Variants in SPTB observed in about 807,000 individuals in gnomAD.
SPTB encodes spectrin beta chain, erythrocytic.
In SPTB, 45 loss-of-function variants were observed where a neutral mutation model predicts 256.2. The observed-to-expected ratio is 0.18, with a 90% CI of 0.14 to 0.23. The LOEUF is 0.23. Among genes scored for constraint, SPTB ranks in the 10% least tolerant of loss-of-function variants. The pLI, the probability that SPTB is intolerant of heterozygous loss-of-function variation, is 1.00. For synonymous variants in SPTB, 1,231 were observed against 1,243.1 expected, an observed-to-expected ratio of 0.99 and a Z score of 0.21; for missense variants, 2,715 against 3,040.4, an observed-to-expected ratio of 0.89 and a Z score of 2.52.
intron 9 of SPTB, among the ~76,000 whole-genome samples, chr14:64,798,748 T>C (rs1426143250): frequency 6.6e-6 from 1 of 152,248 alleles, no homozygotes; most frequent in Non-Finnish European, 1.5e-5. Flanking sequence ...ACTGTCAGAC[T>C]AGAAACCAGA....
At chr14:64,815,954 G>T (rs1316846181) in intron 2 of SPTB, among the ~76,000 whole-genome samples, 2 of 152,178 alleles carry the variant, frequency 1.3e-5, no homozygotes, top group Non-Finnish European at 2.9e-5. Context: ...GAGTGATATT[G>T]CCAGGTAGAC....
chr14:64,823,230 G>A lies in SPTB; in HGVS notation c.-51-85C>T, dbSNP rs2083325411. The A allele has an allele frequency of 2.9e-5, 29 of 1,014,080 alleles. 1 individual carries two copies. Among genetic ancestry groups the A allele is most frequent in the South Asian group, 1.6e-4 (12 of 74,704 alleles). 62.8% of individuals were successfully genotyped at this position (1,014,080 alleles called of 1,614,324 possible). A position where few individuals can be genotyped will look rare whatever the true frequency, so the allele number is the denominator to read the frequency against. ...GGGAAACTTATTCGGAGCATCCAAC[G>A]TGAGTAGATCCTGACAGAAGCAGAA... On this transcript the variant is annotated intron_variant, in intron 1 of 35. Transcript: ENST00000644917. This position sits in a 1 kb window ranked among gnomAD's most constrained non-coding sequence, Gnocchi z 6.5.
intron 2 of SPTB, among the ~76,000 whole-genome samples, chr14:64,808,609 T>C (rs752886284): frequency 6.6e-6 from 1 of 152,168 alleles, no homozygotes; most frequent in Non-Finnish European, 1.5e-5. Flanking sequence ...TCGTCATTAC[T>C]ACTGCTGCTA....
At chr14:64,805,601 C>T (rs2082968365) in intron 2 of SPTB, among the ~76,000 whole-genome samples, 1 of 152,152 alleles carries the variant, frequency 6.6e-6, no homozygotes, top group South Asian at 2.1e-4. Context: ...CCTTCTCTCT[C>T]CTAGATGCTC....
At chr14:64,867,606 C>T (rs1347810734) in intron 1 of SPTB, among the ~76,000 whole-genome samples, 1 of 152,118 alleles carries the variant, frequency 6.6e-6, no homozygotes, top group Non-Finnish European at 1.5e-5. Flanking sequence ...GTAATCCCAG[C>T]ACTTTGGGAG....
intron 1 of SPTB, among the ~76,000 whole-genome samples, chr14:64,857,777 T>C (rs75371021): frequency 0.01 from 1,541 of 152,288 alleles, 28 homozygotes; most frequent in African/African-American, 0.035. Context: ...CTGGCAAAGA[T>C]ATTTATGTTC....
intron 1 of SPTB, among the ~76,000 whole-genome samples, chr14:64,877,053 T>C (rs1260380914): frequency 6.6e-6 from 1 of 151,994 alleles, no homozygotes; most frequent in Non-Finnish European, 1.5e-5. Flanking sequence ...GTTTGCCTCA[T>C]GAATTTTTTA....
intron 1 of SPTB, among the ~76,000 whole-genome samples, chr14:64,856,191 C>T (rs568122022): frequency 6.6e-6 from 1 of 152,216 alleles, no homozygotes; most frequent in African/African-American, 2.4e-5. Context: ...CACAGTAAGG[C>T]CCAGAAGGCT....
intron 33 of SPTB, 91 bp from the exon 34 acceptor site, chr14:64,750,245 C>G: frequency 1.5e-6 from 2 of 1,336,414 alleles, no homozygotes. Flanking sequence ...AAAAATTACA[C>G]CATGTTTGTT....
Position 64,786,320 on chromosome 14 carries a change from G to A in SPTB, c.3561+84C>T. The A allele has an allele frequency of 1.3e-6, 2 of 1,550,238 alleles. No individual in the cohort carries two copies. The highest frequency in any genetic ancestry group is 1.4e-5 in the African/African-American group (1 of 73,834). ...ACAAGACAAGAGTAATGTGGTCCCTGAGTCTTACAGCACATTTGTGGACTC... is the reference window on the plus strand; with the variant it reads ...ACAAGACAAGAGTAATGTGGTCCCTAAGTCTTACAGCACATTTGTGGACTC... On this transcript the variant is annotated intron_variant, in intron 16 of 35. Transcript: ENST00000644917. The surrounding 1 kb of genome is among the most constrained non-coding windows in gnomAD (Gnocchi z 5.6).
rs1474300975 is a variant in SPTB at position 64,777,486 on chromosome 14, G to T, written c.4563+1671C>A. On this transcript the variant is annotated intron_variant, in intron 22 of 35. Transcript: ENST00000644917. The surrounding 1 kb of genome is among the most constrained non-coding windows in gnomAD (Gnocchi z 4.5). Reference sequence around the variant, plus strand: ...GTGATGTGAGTGTACAGCCAGGGGTGAGAGCCCTTCATGTACTACCTTGTG... The same window carrying T: ...GTGATGTGAGTGTACAGCCAGGGGTTAGAGCCCTTCATGTACTACCTTGTG... Among the ~76,000 whole-genome samples, 1 of 152,182 alleles carries T rather than the reference G, an allele frequency of 6.6e-6. No homozygotes were observed. Among genetic ancestry groups the T allele is most frequent in the Non-Finnish European group, 1.5e-5 (1 of 68,034 alleles).
At chr14:64,762,700 G>A (rs1448066531) in intron 32 of SPTB, among the ~76,000 whole-genome samples, 1 of 152,208 alleles carries the variant, frequency 6.6e-6, no homozygotes, top group Non-Finnish European at 1.5e-5. Flanking sequence ...GGAAGGCCAC[G>A]CGGAAGAATG....
rs1882666029 is a variant in SPTB at position 64,873,607 on chromosome 14, G to T, written c.-52+6185C>A. Among the ~76,000 whole-genome samples the T allele has an allele frequency of 1.3e-5, 2 of 152,114 alleles. No individual in the cohort carries two copies. Among genetic ancestry groups the T allele is most frequent in the Admixed American group, 1.3e-4 (2 of 15,276 alleles). ...CCATTCTTGAGGTTCTGTGGCTATG[G>T]TAAAGGGTAATACCATTAACAAGTG... On this transcript the variant is annotated intron_variant, in intron 1 of 35. Coordinates refer to ENST00000644917, the MANE Select transcript of SPTB (RefSeq NM_001355436.2). This position sits in a 1 kb window ranked among gnomAD's most constrained non-coding sequence, Gnocchi z 4.3.
In SPTB at chr14:64,759,526, G is replaced by T. The variant is rs1019706314; in HGVS notation, c.6346-5733C>A. The stretch of plus-strand genomic sequence containing the variant: ...GCTGCCCCCCTGTAAGCAGGCCATG[G>T]TCTGAGGTGGGGACTGCCTTACCCG... On this transcript the variant is annotated intron_variant, in intron 32 of 35. Coordinates refer to ENST00000644917, the MANE Select transcript of SPTB (RefSeq NM_001355436.2). The surrounding 1 kb of genome is among the most constrained non-coding windows in gnomAD (Gnocchi z 4.8). 9.9e-5 allele frequency among the ~76,000 whole-genome samples: 15 copies of T among 152,252 alleles called. No homozygotes were observed. Among genetic ancestry groups the T allele is most frequent in the African/African-American group, 3.6e-4 (15 of 41,468 alleles).
chr14:64,870,376 G>A (rs1882457987), intron 1 of SPTB, among the ~76,000 whole-genome samples: 1 of 151,104 alleles, frequency 6.6e-6, no homozygotes, highest in South Asian at 2.1e-4. Context: ...CAAGAGGAAA[G>A]GAGCTGGAAG....
chr14:64,868,875 T>C (rs548953670), intron 1 of SPTB, among the ~76,000 whole-genome samples: 22 of 152,190 alleles, frequency 1.4e-4, no homozygotes, highest in Non-Finnish European at 2.1e-4. Context: ...AATAACTACA[T>C]TGGAAGTAGG....
chr14:64,782,530 C>T lies in SPTB; in HGVS notation c.4026G>A (p.Glu1342=). The change falls in exon 20 of 36, where the codon GAG becomes GAA. Residue 1342 remains glutamate, a synonymous_variant. Coordinates refer to ENST00000644917, the MANE Select transcript of SPTB (RefSeq NM_001355436.2). ...ACACCAGGGCTGTAAACTGGGGCTT[C>T]TCATCCATCAGCTGCTTTCCTTCCT... ...IDAEGKQLMD[E]KPQFTALVSQ... is the part of the protein sequence containing the mutation. 1 of 1,614,022 alleles carries T rather than the reference C, an allele frequency of 6.2e-7. No homozygotes were observed. Among genetic ancestry groups the T allele is most frequent in the Non-Finnish European group, 8.5e-7 (1 of 1,180,042 alleles).
At chr14:64,872,594 T>C (rs1274491262) in intron 1 of SPTB, among the ~76,000 whole-genome samples, 1 of 152,236 alleles carries the variant, frequency 6.6e-6, no homozygotes, top group Non-Finnish European at 1.5e-5. Context: ...CATGACACCC[T>C]GCACTCAGGC....
At position 64,844,324 on chromosome 14, in the gene SPTB, T is replaced by C. The variant is rs1395496593; in HGVS notation, c.-51-21179A>G. On this transcript the variant is annotated intron_variant, in intron 1 of 35. Transcript: ENST00000644917. This position sits in a 1 kb window ranked among gnomAD's most constrained non-coding sequence, Gnocchi z 4.1. ...GAAGGGACCAGGTCCCAACACACAA[T>C]AGGAATTTATATCCCCAACAACAGA... 6.6e-6 allele frequency among the ~76,000 whole-genome samples: 1 copy of C among 152,232 alleles called. No individual in the cohort carries two copies. The highest frequency in any genetic ancestry group is 1.5e-5 in the Non-Finnish European group (1 of 68,044).
Sources: gnomAD v4.1 joint callset for allele counts (sites outside exome capture counted in the v4.1 genomes callset) on GRCh38, gnomAD v4.1.1 for gene constraint, Gnocchi (gnomAD v3.1) non-coding constraint, MANE v1.5 for transcripts, NCBI Gene and HGNC (gene_info 2026-07-23, HGNC 2026-07-21) for gene names.